Variants in ROR1 observed in about 807,000 individuals in gnomAD.
ROR1 encodes the protein inactive tyrosine-protein kinase transmembrane receptor ROR1.
In ROR1, 19 loss-of-function variants were observed where a neutral mutation model predicts 78.8. That is an observed-to-expected ratio of 0.24 (90% CI 0.17 to 0.35). The LOEUF (loss-of-function observed/expected upper bound fraction) is 0.35, where lower values mean the gene tolerates loss of function less well. ROR1 is among the 10% of genes least tolerant of loss of function. The probability of loss-of-function intolerance (pLI) is 1.00; values close to 1 mark genes in which losing one functional copy is unlikely to be tolerated. For missense variants in ROR1, 917 were observed against 1,177.8 expected (o/e 0.78, Z 3.24); for synonymous variants, 386 against 433.6 (o/e 0.89, Z 1.36).
chr1:64,071,177 C>A (rs933443984), intron 4 of ROR1, among the ~76,000 whole-genome samples: 2 of 152,100 alleles, frequency 1.3e-5, no homozygotes, highest in African/African-American at 4.8e-5. Context: ...CTTAGCTGTG[C>A]AAGCCAGTGT....
chr1:64,156,698 TCCGTCTCAAAAAAAAAAAAAAAAAAAAA>T (rs1480403277), intron 7 of ROR1, among the ~76,000 whole-genome samples: 2 of 80,396 alleles, frequency 2.5e-5, no homozygotes, highest in Non-Finnish European at 4.5e-5. Flanking sequence ...AGAGCGAGAC[TCCGTCTCAAAAAAAAAAAAAAAAAAAAA>T]GCAGGGATTT....
intron 4 of ROR1, among the ~76,000 whole-genome samples, chr1:64,103,806 G>T (rs371295639): frequency 2.0e-5 from 3 of 152,056 alleles, no homozygotes; most frequent in African/African-American, 7.2e-5. Flanking sequence ...AAAAAAAAAG[G>T]TTTCTATCTA....
intron 8 of ROR1, among the ~76,000 whole-genome samples, chr1:64,160,631 T>G (rs1451091137): frequency 6.6e-6 from 1 of 152,214 alleles, no homozygotes; most frequent in African/African-American, 2.4e-5. Flanking sequence ...ATTTAATCCT[T>G]ACTACTTAGT....
At chr1:63,835,314 A>G (rs641335) in intron 1 of ROR1, among the ~76,000 whole-genome samples, 49,771 of 152,012 alleles carry the variant, frequency 0.33, 10,592 homozygotes, top group African/African-American at 0.61. Flanking sequence ...ACACAGAGAA[A>G]GCCTTCTGGA....
At chr1:63,994,711 C>A (rs1646323534) in intron 1 of ROR1, among the ~76,000 whole-genome samples, 1 of 152,178 alleles carries the variant, frequency 6.6e-6, no homozygotes, top group Admixed American at 6.5e-5. Flanking sequence ...CCAGCCACAG[C>A]AAATTCCCCC....
At position 63,959,436 on chromosome 1, in the gene ROR1, C is replaced by G. The variant is rs113257445; in HGVS notation, c.92-49869C>G. On this transcript the variant is annotated intron_variant, in intron 1 of 8. Coordinates refer to ENST00000371079, the MANE Select transcript of ROR1 (RefSeq NM_005012.4). ...TTTGGATTTCTCCTTTCACCGAGTG[C>G]TGACATATGGGTAATAGTTGCTACT... Among the ~76,000 whole-genome samples the G allele has an allele frequency of 8.4e-3, 1,275 of 152,232 alleles. 15 individuals carry two copies. Among genetic ancestry groups the G allele is most frequent in the African/African-American group, 0.029 (1,202 of 41,530 alleles).
At chr1:63,819,936 G>T (rs189270982) in intron 1 of ROR1, among the ~76,000 whole-genome samples, 1 of 152,286 alleles carries the variant, frequency 6.6e-6, no homozygotes, top group Non-Finnish European at 1.5e-5. Context: ...TGAAACCTGA[G>T]TAGGATTTGG....
chr1:64,142,085 A>T (rs1223419009), intron 6 of ROR1, among the ~76,000 whole-genome samples: 2 of 152,226 alleles, frequency 1.3e-5, no homozygotes, highest in African/African-American at 4.8e-5. Context: ...TGAACCATTC[A>T]CTAGGAAATT....
chr1:64,001,060 A>G (rs777040895), intron 1 of ROR1, among the ~76,000 whole-genome samples: 1 of 152,220 alleles, frequency 6.6e-6, no homozygotes, highest in Non-Finnish European at 1.5e-5. Context: ...TGACAGCTTT[A>G]TTTGTAACAG....
chr1:63,926,590 T>G (rs1015358160), intron 1 of ROR1, among the ~76,000 whole-genome samples: 1 of 118,838 alleles, frequency 8.4e-6, no homozygotes, highest in Non-Finnish European at 1.8e-5. Context: ...ATCTGTAAAT[T>G]ACCTTGGGCA....
intron 1 of ROR1, among the ~76,000 whole-genome samples, chr1:63,928,230 C>T (rs538375260): frequency 6.6e-6 from 1 of 152,092 alleles, no homozygotes; most frequent in African/African-American, 2.4e-5. Flanking sequence ...TAGGAAAGCT[C>T]CAACTGCAAT....
chr1:64,055,555 T>C (rs1367989029), intron 4 of ROR1, among the ~76,000 whole-genome samples: 1 of 152,206 alleles, frequency 6.6e-6, no homozygotes, highest in African/African-American at 2.4e-5. Flanking sequence ...AAAATAGATG[T>C]CTAAGGTTTT....
intron 4 of ROR1, among the ~76,000 whole-genome samples, chr1:64,084,837 T>G (rs1476963451): frequency 1.3e-5 from 2 of 152,236 alleles, no homozygotes; most frequent in African/African-American, 4.8e-5. Context: ...GGCCAGCTTT[T>G]GCCCTGCAGT....
chr1:64,006,276 AAT>A (rs1274567857), intron 1 of ROR1, among the ~76,000 whole-genome samples: 1 of 152,168 alleles, frequency 6.6e-6, no homozygotes, highest in Non-Finnish European at 1.5e-5. Flanking sequence ...CCTTCCCTGA[AAT>A]GCCGCCTTGG....
chr1:63,885,025 T>C (rs1645348070), intron 1 of ROR1, among the ~76,000 whole-genome samples: 1 of 152,162 alleles, frequency 6.6e-6, no homozygotes, highest in African/African-American at 2.4e-5. Context: ...TCTAAAAATG[T>C]GAGGAAATTG....
chr1:64,044,840 T>C (rs1414352844), intron 2 of ROR1, among the ~76,000 whole-genome samples: 1 of 152,206 alleles, frequency 6.6e-6, no homozygotes, highest in African/African-American at 2.4e-5. Flanking sequence ...GCGAAACTTT[T>C]AGCCACCATC....
intron 1 of ROR1, among the ~76,000 whole-genome samples, chr1:63,805,793 A>AG (rs1644824893): frequency 6.6e-6 from 1 of 152,166 alleles, no homozygotes; most frequent in Non-Finnish European, 1.5e-5. Context: ...AAGCAGGAGG[A>AG]TCTTTTAAGG....
At chr1:63,997,785 ACT>A (rs202094468) in intron 1 of ROR1, among the ~76,000 whole-genome samples, 1,734 of 149,546 alleles carry the variant, frequency 0.012, 11 homozygotes, top group Non-Finnish European at 0.017. Flanking sequence ...TACATTAAAC[ACT>A]CTTCAGGCTG....
intron 1 of ROR1, among the ~76,000 whole-genome samples, chr1:63,798,625 C>A (rs1385031862): frequency 4.6e-5 from 7 of 152,146 alleles, no homozygotes; most frequent in African/African-American, 7.2e-5. Flanking sequence ...CCTTTGTATC[C>A]CCAGCCCTGA....
Sources: allele counts gnomAD v4.1 joint callset (sites outside exome capture counted in the v4.1 genomes callset), GRCh38; gene constraint gnomAD v4.1.1; transcripts MANE v1.5; gene names NCBI Gene and HGNC (gene_info 2026-07-23, HGNC 2026-07-21).